The following CALCR variants were observed in gnomAD, a reference collection of about 807,000 sequenced individuals.
CALCR encodes calcitonin receptor.
Under a neutral mutation model 59.5 loss-of-function variants are expected in CALCR, and 47 were observed. The ratio of observed to expected loss-of-function variants is 0.79; its 90% confidence interval spans 0.63 to 1.01. The LOEUF (loss-of-function observed/expected upper bound fraction) is 1.01, where lower values mean the gene tolerates loss of function less well. Ranked by LOEUF, CALCR falls within the 50% of genes least tolerant of loss-of-function variation. CALCR has a pLI of 0.00. For synonymous variants in CALCR, 213 were observed against 211.3 expected, an observed-to-expected ratio of 1.01 and a Z score of -0.07; for missense variants, 566 against 597.1, an observed-to-expected ratio of 0.95 and a Z score of 0.54.
At chr7:93,486,633 A>G (rs1312186286) in intron 3 of CALCR, among the ~76,000 whole-genome samples, 2 of 151,534 alleles carry the variant, frequency 1.3e-5, no homozygotes, top group African/African-American at 4.8e-5. Flanking sequence ...TGAGAATATT[A>G]TTTACCAACT....
chr7:93,483,329 C>T (rs1052878240), intron 3 of CALCR, among the ~76,000 whole-genome samples: 1 of 151,194 alleles, frequency 6.6e-6, no homozygotes, highest in Non-Finnish European at 1.5e-5. Flanking sequence ...GTTTACAATA[C>T]AATTTTTTCC....
chr7:93,472,585 C>A, intron 5 of CALCR, 98 bp from the exon 6 acceptor site: 1 of 711,732 alleles, frequency 1.4e-6, no homozygotes, highest in Non-Finnish European at 2.5e-6. Flanking sequence ...ACATATTAAT[C>A]ACTTTATAGA....
chr7:93,531,279 G>T (rs1788826659), intron 2 of CALCR, among the ~76,000 whole-genome samples: 1 of 152,032 alleles, frequency 6.6e-6, no homozygotes, highest in East Asian at 1.9e-4. Context: ...CGGTGGAGAA[G>T]AATTTGCTTT....
At chr7:93,468,681 G>T in intron 7 of CALCR, 34 bp downstream of exon 7, 1 of 1,417,206 alleles carries the variant, frequency 7.1e-7, no homozygotes, top group Non-Finnish European at 9.9e-7. Flanking sequence ...ACTTAAAGGA[G>T]GAAATAAAGA....
chr7:93,516,469 T>C (rs969010999), intron 2 of CALCR, among the ~76,000 whole-genome samples: 1 of 151,938 alleles, frequency 6.6e-6, no homozygotes, highest in African/African-American at 2.4e-5. Context: ...AACAGCCTAA[T>C]GCCTCATAAC....
intron 2 of CALCR, among the ~76,000 whole-genome samples, chr7:93,533,772 T>A (rs1299090294): frequency 2.0e-5 from 3 of 151,802 alleles, no homozygotes; most frequent in African/African-American, 7.2e-5. Context: ...TGTCAATGTT[T>A]TAGAAGCTTT....
At chr7:93,555,598 C>T (rs563345643) in intron 2 of CALCR, among the ~76,000 whole-genome samples, 1 of 152,220 alleles carries the variant, frequency 6.6e-6, no homozygotes, top group East Asian at 1.9e-4. Flanking sequence ...AAAGGATTTA[C>T]CATTTCAACC....
At position 93,434,153 on chromosome 7, in the gene CALCR, C is replaced by T. The variant is rs1372079602; in HGVS notation, c.1191+100G>A. ...TAATCACAAAACCCTATGAGGTCAA[C>T]TGTAGAAGTGAGATGAAATGAAATT... On this transcript the variant is annotated intron_variant, in intron 13 of 13. Coordinates refer to ENST00000426151, the MANE Select transcript of CALCR (RefSeq NM_001742.4). 1.7e-5 allele frequency: 14 copies of T among 837,302 alleles called. No individual in the cohort carries two copies. In the Admixed American group the frequency reaches 2.5e-4, roughly 15 times the overall value. 51.9% of individuals were successfully genotyped at this position (837,302 alleles called of 1,614,324 possible).
intron 2 of CALCR, among the ~76,000 whole-genome samples, chr7:93,536,667 G>T (rs6950214): frequency 0.089 from 13,444 of 151,748 alleles, 673 homozygotes; most frequent in African/African-American, 0.11. Flanking sequence ...TTAGCATTAG[G>T]TATATCTCCT....
At chr7:93,435,733 G>T (rs1368025932) in intron 12 of CALCR, among the ~76,000 whole-genome samples, 4 of 151,810 alleles carry the variant, frequency 2.6e-5, no homozygotes. Flanking sequence ...TTGAGCCCGG[G>T]AGATGGAGGT....
intron 7 of CALCR, among the ~76,000 whole-genome samples, chr7:93,464,207 T>C (rs1302338319): frequency 1.3e-5 from 2 of 152,020 alleles, no homozygotes; most frequent in Non-Finnish European, 2.9e-5. Flanking sequence ...CATTTGATAT[T>C]GGTCTTGAGT....
intron 2 of CALCR, among the ~76,000 whole-genome samples, chr7:93,520,056 TA>T (rs2116083740): frequency 6.6e-6 from 1 of 152,200 alleles, no homozygotes; most frequent in East Asian, 1.9e-4. Context: ...AAATATAGAA[TA>T]AATTGCTGTT....
intron 2 of CALCR, among the ~76,000 whole-genome samples, chr7:93,573,263 T>C (rs1162582972): frequency 6.6e-6 from 1 of 152,182 alleles, no homozygotes; most frequent in Middle Eastern, 3.2e-3. Flanking sequence ...CCCAAATACA[T>C]AAAATATTTG....
chr7:93,529,800 C>A lies in CALCR; in HGVS notation c.-26-42793G>T, dbSNP rs578241925. 1.1e-3 allele frequency among the ~76,000 whole-genome samples: 174 copies of A among 152,112 alleles called. 1 individual carries two copies. The Middle Eastern group carries it at 0.017, about 15-fold the overall frequency. On this transcript the variant is annotated intron_variant, in intron 2 of 13. Coordinates refer to ENST00000426151, the MANE Select transcript of CALCR (RefSeq NM_001742.4). The stretch of plus-strand genomic sequence containing the variant: ...AGGTTTGGATGAAGTCAGTGATTAC[C>A]ACTCTAAAATACTTAGAATAGTCAC...
chr7:93,485,068 T>A (rs969475776), intron 3 of CALCR, among the ~76,000 whole-genome samples: 2 of 151,716 alleles, frequency 1.3e-5, no homozygotes, highest in African/African-American at 4.8e-5. Flanking sequence ...ACATTGTCAT[T>A]AAAATTTTTT....
intron 8 of CALCR, among the ~76,000 whole-genome samples, chr7:93,447,720 A>G (rs1238913342): frequency 6.6e-6 from 1 of 151,994 alleles, no homozygotes; most frequent in Non-Finnish European, 1.5e-5. Context: ...ACAGGGAGCT[A>G]AGGAATACTA....
Position 93,477,702 on chromosome 7 carries a change from T to C in CALCR, c.206-34A>G, listed in dbSNP as rs543197001. On this transcript the variant is annotated intron_variant, in intron 4 of 13. Coordinates refer to ENST00000426151, the MANE Select transcript of CALCR (RefSeq NM_001742.4). ...TTAGAAGGAAATTGATATTGAAGCC[T>C]TGTGGATTTAACTAAATGAGAAGAT... 46 of 1,349,414 alleles carry C rather than the reference T, an allele frequency of 3.4e-5. No homozygotes were observed. The African/African-American group carries it at 4.9e-4, about 14-fold the overall frequency. 83.6% of individuals were successfully genotyped at this position (1,349,414 alleles called of 1,614,324 possible).
chr7:93,535,366 C>T (rs1289025422), intron 2 of CALCR, among the ~76,000 whole-genome samples: 2 of 151,626 alleles, frequency 1.3e-5, no homozygotes, highest in Admixed American at 1.3e-4. Context: ...ATAATTACAC[C>T]TAGCTGGGTA....
In CALCR at chr7:93,436,139, C is replaced by G. The variant is rs148707949; in HGVS notation, c.962G>C (p.Arg321Pro). 15 of 1,613,920 alleles carry G rather than the reference C, an allele frequency of 9.3e-6. No individual in the cohort carries two copies. Among genetic ancestry groups the G allele is most frequent in the Non-Finnish European group, 1.1e-5 (13 of 1,179,954 alleles). Residue 321 changes from arginine to proline, a missense_variant, in exon 12 of 14, where the codon CGG (arginine) becomes CCG (proline). Physicochemically the swap from Arg to Pro is moderately radical, Grantham distance 103. Coordinates refer to ENST00000426151, the MANE Select transcript of CALCR (RefSeq NM_001742.4). ...TTCCCTCATTTTGGTCACAAGCACCCGGACAATGTTGAGCAAAAAGAAGAA... is the reference window on the plus strand; with the variant it reads ...TTCCCTCATTTTGGTCACAAGCACCGGGACAATGTTGAGCAAAAAGAAGAA... ...VNFFFLLNIV[R>P]VLVTKMRETH...
Sources: allele counts gnomAD v4.1 joint callset (sites outside exome capture counted in the v4.1 genomes callset), GRCh38; gene constraint gnomAD v4.1.1; transcripts MANE v1.5; gene names NCBI Gene and HGNC (gene_info 2026-07-23, HGNC 2026-07-21).